Variants in DST observed in about 807,000 individuals in gnomAD.
The protein encoded by DST is bullous pemphigoid antigen.
DST carries 253 observed loss-of-function variants against 875.2 expected under a neutral mutation model. The ratio of observed to expected loss-of-function variants is 0.29; its 90% CI spans 0.26 to 0.32. DST has a LOEUF of 0.32. Ranked by LOEUF, DST falls within the 10% of genes least tolerant of loss-of-function variation. The pLI, the probability that DST is intolerant of heterozygous loss-of-function variation, is 1.00. For missense variants in DST, 8,287 were observed against 9,111.6 expected (o/e 0.91, Z 3.68); for synonymous variants, 3,124 against 3,197.1 (o/e 0.98, Z 0.77).
At chr6:56,680,510 A>G (rs1296646859) in intron 9 of DST, among the ~76,000 whole-genome samples, 3 of 152,200 alleles carry the variant, frequency 2.0e-5, no homozygotes, top group African/African-American at 7.2e-5. Flanking sequence ...CATGGAGAAG[A>G]GCTCAAGGGT....
intron 2 of DST, among the ~76,000 whole-genome samples, chr6:56,938,423 C>A (rs1163483544): frequency 6.6e-6 from 1 of 152,038 alleles, no homozygotes; most frequent in East Asian, 1.9e-4. Context: ...AGCACCCAGT[C>A]TGAAATTTTT....
intron 4 of DST, among the ~76,000 whole-genome samples, chr6:56,849,741 T>G (rs1000209829): frequency 1.1e-4 from 16 of 152,196 alleles, no homozygotes; most frequent in Non-Finnish European, 1.9e-4. Flanking sequence ...AACAAACACC[T>G]GCCCTGTCTT....
chr6:56,549,363 G>A (rs1272303617), intron 61 of DST, among the ~76,000 whole-genome samples: 1 of 151,980 alleles, frequency 6.6e-6, no homozygotes, highest in Non-Finnish European at 1.5e-5. Flanking sequence ...TCACTTTTAG[G>A]AATTATAACT....
At position 56,521,348 on chromosome 6, in the gene DST, G is replaced by GA. The variant is rs561751107; in HGVS notation, c.18130-3729dup. Among the ~76,000 whole-genome samples the GA allele has an allele frequency of 6.4e-4, 94 of 146,908 alleles. 1 individual carries two copies. The highest frequency in any genetic ancestry group is 3.5e-3 in the Middle Eastern group (1 of 288). The stretch of plus-strand genomic sequence containing the variant: ...AAATTTTTTTCTTCCACTGGTTCCT[G>GA]AAAAAAAAAATAAAGTAATACCCCA... On this transcript the variant is annotated intron_variant, in intron 69 of 103. Coordinates refer to ENST00000680361, the MANE Select transcript of DST (RefSeq NM_001374736.1).
intron 22 of DST, 23 bp from the exon 23 acceptor site, chr6:56,636,675 C>A: frequency 6.3e-7 from 1 of 1,588,322 alleles, no homozygotes; most frequent in Non-Finnish European, 8.6e-7. Context: ...ACAGAGCCAT[C>A]ATAACTGACT....
intron 4 of DST, among the ~76,000 whole-genome samples, chr6:56,799,529 A>G (rs1346773124): frequency 1.3e-5 from 2 of 152,020 alleles, no homozygotes; most frequent in African/African-American, 2.4e-5. Context: ...AAGACCCTCT[A>G]CCAGCATAAA....
rs770964446 is a variant in DST, at chr6:56,527,613, C to T, written c.17802G>A (p.Arg5934=). The change falls in exon 68 of 104, where the codon CGG becomes CGA. Residue 5934 remains arginine, a synonymous_variant. Coordinates refer to ENST00000680361, the MANE Select transcript of DST (RefSeq NM_001374736.1). ...TLEQALQLAR[R]LHSTHEELCT... ...ACAGCTCTTCGTGTGTGGAGTGCAG[C>T]CGCCTTGCAAGCTGCAGCGCCTGTT... The T allele has an allele frequency of 6.2e-7, 1 of 1,613,832 alleles. No homozygotes were observed. The highest frequency in any genetic ancestry group is 8.5e-7 in the Non-Finnish European group (1 of 1,179,844).
chr6:56,519,061 G>C (rs913646674), intron 69 of DST, among the ~76,000 whole-genome samples: 1 of 152,118 alleles, frequency 6.6e-6, no homozygotes, highest in African/African-American at 2.4e-5. Context: ...CCACAAAGGG[G>C]AGAGAAGAGG....
At chr6:56,619,367 T>G in intron 36 of DST, 1 of 1,613,724 alleles carries the variant, frequency 6.2e-7, no homozygotes, top group Non-Finnish European at 8.5e-7. Flanking sequence ...ATTGAGCCTT[T>G]GGATTTTATC....
At chr6:56,504,220 A>T in intron 77 of DST, 122 bp from the exon 78 acceptor site, 1 of 672,848 alleles carries the variant, frequency 1.5e-6, no homozygotes, top group Non-Finnish European at 2.4e-6. Flanking sequence ...AGACTATTTT[A>T]TAAAAAATTA....
chr6:56,656,971 C>A (rs929415651), intron 10 of DST, among the ~76,000 whole-genome samples: 1 of 152,094 alleles, frequency 6.6e-6, no homozygotes, highest in African/African-American at 2.4e-5. Flanking sequence ...ACCAATGTTT[C>A]CCACACTTGG....
At chr6:56,627,610 C>A (rs537570223) in intron 33 of DST, among the ~76,000 whole-genome samples, 38 of 152,274 alleles carry the variant, frequency 2.5e-4, no homozygotes, top group East Asian at 9.6e-4. Flanking sequence ...GAACAAAAAT[C>A]TCAAAGCATT....
At chr6:56,510,112 A>G (rs1169051603) in intron 73 of DST, among the ~76,000 whole-genome samples, 2 of 152,128 alleles carry the variant, frequency 1.3e-5, no homozygotes, top group Admixed American at 6.6e-5. Flanking sequence ...TTTCTTATGA[A>G]TATTTGAGTG....
At chr6:56,930,407 C>T (rs757299563) in intron 2 of DST, among the ~76,000 whole-genome samples, 4 of 152,090 alleles carry the variant, frequency 2.6e-5, no homozygotes, top group Non-Finnish European at 5.9e-5. Context: ...CTTGAAAACA[C>T]ACAAAAAAAT....
chr6:56,579,018 A>C (rs2097917125), intron 49 of DST, 81 bp from the exon 50 acceptor site: 2 of 1,244,280 alleles, frequency 1.6e-6, no homozygotes, highest in South Asian at 1.8e-5. Context: ...ATTTCTAATA[A>C]GATAAAGTAA....
At chr6:56,841,693 A>G (rs2099800211) in intron 4 of DST, among the ~76,000 whole-genome samples, 1 of 152,216 alleles carries the variant, frequency 6.6e-6, no homozygotes, top group Non-Finnish European at 1.5e-5. Context: ...TTCTGACTGT[A>G]TAGAGCACAG....
At chr6:56,690,902 GAATA>G (rs879265953) in intron 9 of DST, among the ~76,000 whole-genome samples, 1 of 152,178 alleles carries the variant, frequency 6.6e-6, no homozygotes, top group Non-Finnish European at 1.5e-5. Flanking sequence ...GTGTGCCACA[GAATA>G]AATAAATAGT....
At chr6:56,706,317 A>G (rs1295127917) in intron 5 of DST, among the ~76,000 whole-genome samples, 1 of 150,136 alleles carries the variant, frequency 6.7e-6, no homozygotes, top group African/African-American at 2.4e-5. Flanking sequence ...CCGTCTCAAA[A>G]AAAAAAAAGA....
At chr6:56,880,553 T>C (rs1267365628) in intron 3 of DST, among the ~76,000 whole-genome samples, 1 of 151,836 alleles carries the variant, frequency 6.6e-6, no homozygotes, top group Non-Finnish European at 1.5e-5. Flanking sequence ...CCGGGCGTGG[T>C]ACACACACCT....
Sources: allele counts gnomAD v4.1 joint callset (sites outside exome capture counted in the v4.1 genomes callset), GRCh38; gene constraint gnomAD v4.1.1; transcripts MANE v1.5; gene names NCBI Gene and HGNC (gene_info 2026-07-23, HGNC 2026-07-21).